Variants in PCDH15 observed in about 807,000 individuals in gnomAD.
PCDH15 encodes the protein protocadherin related 15.
A neutral mutation model predicts 178.5 loss-of-function variants in PCDH15; 129 were observed. The ratio of observed to expected loss-of-function variants is 0.72; its 90% CI spans 0.63 to 0.84. The LOEUF (loss-of-function observed/expected upper bound fraction) is 0.84. PCDH15 is among the 40% of genes least tolerant of loss of function. PCDH15 has a pLI of 0.00. For synonymous variants in PCDH15, 800 were observed against 732.0 expected (o/e 1.09, Z -1.50); for missense variants, 2,230 against 2,099.9 (o/e 1.06, Z -1.21).
At chr10:54,943,901 T>G (rs1454479) in intron 2 of PCDH15, among the ~76,000 whole-genome samples, 24,787 of 151,530 alleles carry the variant, frequency 0.16, 2,264 homozygotes, top group East Asian at 0.23. Flanking sequence ...TAAAGATCTC[T>G]TAAAGAGAAG....
chr10:55,023,251 C>T (rs1044392936), intron 2 of PCDH15, among the ~76,000 whole-genome samples: 1 of 152,152 alleles, frequency 6.6e-6, no homozygotes, highest in African/African-American at 2.4e-5. Context: ...TTATTGCTTA[C>T]AGTGACAGTT....
At chr10:53,852,121 C>T (rs2078422448) in intron 28 of PCDH15, among the ~76,000 whole-genome samples, 1 of 151,838 alleles carries the variant, frequency 6.6e-6, no homozygotes, top group Non-Finnish European at 1.5e-5. Flanking sequence ...CCACAGATTC[C>T]TCTTATTTGA....
At chr10:55,144,025 C>A (rs1444668) in intron 2 of PCDH15, among the ~76,000 whole-genome samples, 136,033 of 150,922 alleles carry the variant, frequency 0.9, 62,005 homozygotes, top group Non-Finnish European at 0.97. Flanking sequence ...GGAAAAAAAA[C>A]ACACAACATA....
chr10:54,457,514 A>G (rs2076906243), intron 3 of PCDH15, among the ~76,000 whole-genome samples: 1 of 151,938 alleles, frequency 6.6e-6, no homozygotes. Context: ...GTTACCAGAT[A>G]CTCCTCAGTG....
At chr10:54,945,471 T>C (rs63080063) in intron 2 of PCDH15, among the ~76,000 whole-genome samples, 1 of 150,474 alleles carries the variant, frequency 6.6e-6, no homozygotes, top group African/African-American at 2.5e-5. Context: ...CTTTTTTTTT[T>C]GGTGTTTTTT....
At chr10:54,585,549 C>T (rs545285941) in intron 2 of PCDH15, 91 of 231,696 alleles carry the variant, frequency 3.9e-4, no homozygotes, top group African/African-American at 1.9e-3. Flanking sequence ...TAGCTGTAGG[C>T]TAACCAATAG....
chr10:55,232,468 A>G (rs1462927233), intron 1 of PCDH15, among the ~76,000 whole-genome samples: 4 of 152,110 alleles, frequency 2.6e-5, no homozygotes, highest in Non-Finnish European at 5.9e-5. Context: ...AATCTGTGTT[A>G]GGCAGAATCT....
At chr10:53,864,927 C>G (rs191505073) in intron 27 of PCDH15, among the ~76,000 whole-genome samples, 214 of 152,264 alleles carry the variant, frequency 1.4e-3, no homozygotes, top group Non-Finnish European at 2.5e-3. Context: ...ACAATTCACA[C>G]TCAAAGCCGT....
intron 2 of PCDH15, among the ~76,000 whole-genome samples, chr10:54,994,467 G>A (rs906093588): frequency 6.6e-6 from 1 of 152,036 alleles, no homozygotes; most frequent in South Asian, 2.1e-4. Context: ...AAAATATAAA[G>A]TATATATTTC....
intron 2 of PCDH15, among the ~76,000 whole-genome samples, chr10:55,094,159 T>C (rs1842387370): frequency 6.6e-6 from 1 of 152,082 alleles, no homozygotes; most frequent in Non-Finnish European, 1.5e-5. Flanking sequence ...CCAACAATGA[T>C]AGACTGGATT....
chr10:54,946,519 A>G (rs1388424562), intron 2 of PCDH15, among the ~76,000 whole-genome samples: 1 of 151,746 alleles, frequency 6.6e-6, no homozygotes, highest in Non-Finnish European at 1.5e-5. Flanking sequence ...AAACATACAC[A>G]ATGTCTAAAT....
chr10:54,818,572 A>G (rs1436168141), intron 3 of PCDH15, among the ~76,000 whole-genome samples: 1 of 152,110 alleles, frequency 6.6e-6, no homozygotes, highest in Non-Finnish European at 1.5e-5. Context: ...CTGAACTGCC[A>G]TATAAGCAGT....
intron 8 of PCDH15, among the ~76,000 whole-genome samples, chr10:54,270,779 AC>A (rs2057999041): frequency 6.6e-6 from 1 of 152,198 alleles, no homozygotes; most frequent in South Asian, 2.1e-4. Flanking sequence ...TTACCTGGTG[AC>A]TACTTACTGC....
chr10:55,061,759 G>A (rs574975243), intron 2 of PCDH15, among the ~76,000 whole-genome samples: 4 of 152,182 alleles, frequency 2.6e-5, no homozygotes, highest in Admixed American at 6.5e-5. Context: ...GGTGGCTTAC[G>A]CCTGTAATCC....
intron 2 of PCDH15, among the ~76,000 whole-genome samples, chr10:54,988,002 C>A (rs550207640): frequency 6.6e-6 from 1 of 152,062 alleles, no homozygotes; most frequent in Non-Finnish European, 1.5e-5. Flanking sequence ...TGGGGTTTTA[C>A]ATTACAATTT....
At chr10:54,781,653 A>C (rs1366025967) in intron 1 of PCDH15, among the ~76,000 whole-genome samples, 2 of 152,198 alleles carry the variant, frequency 1.3e-5, no homozygotes, top group African/African-American at 4.8e-5. Context: ...AAAGGTTTTG[A>C]ATAAAAATTA....
rs536225206 is a variant in PCDH15, at chr10:54,168,925, G to T, written c.1590+14519C>A. Among the ~76,000 whole-genome samples, 76 of 151,910 alleles carry T rather than the reference G, an allele frequency of 5.0e-4. No homozygotes were observed. The East Asian group carries it at 0.014, about 28-fold the overall frequency. ...AATGTTGCAATTCCTTGCCTCCACT[G>T]TGAGACAAACCCCAGCCACATCTCC... On this transcript the variant is annotated intron_variant, in intron 13 of 37. Transcript: ENST00000644397.
In PCDH15 at chr10:53,928,290, A is replaced by G. The variant is rs187495409; in HGVS notation, c.3373+10525T>C. ...TTTCTTCTTTCGATAGTCAACCAGT[A>G]AGATCAGCTACTTGTTAAAGTTGGG... is the stretch of plus-strand genomic sequence containing the variant. On this transcript the variant is annotated intron_variant, in intron 25 of 37. Transcript: ENST00000644397. Among the ~76,000 whole-genome samples, 70 of 152,114 alleles carry G rather than the reference A, an allele frequency of 4.6e-4. 2 individuals are homozygous for G. The East Asian group carries it at 9.3e-3, about 20-fold the overall frequency.
intron 2 of PCDH15, among the ~76,000 whole-genome samples, chr10:55,075,825 A>G (rs1841874167): frequency 6.6e-6 from 1 of 151,374 alleles, no homozygotes; most frequent in Non-Finnish European, 1.5e-5. Context: ...GAGTTGCATG[A>G]TTAGATTTTT....
Sources: gnomAD v4.1 joint callset for allele counts (sites outside exome capture counted in the v4.1 genomes callset) on GRCh38, gnomAD v4.1.1 for gene constraint, MANE v1.5 for transcripts, NCBI Gene and HGNC (gene_info 2026-07-23, HGNC 2026-07-21) for gene names.